The following ARHGAP28 variants were observed in gnomAD, a reference collection of about 807,000 sequenced individuals.
The protein encoded by ARHGAP28 is Rho GTPase activating protein 28.
ARHGAP28 carries 56 observed loss-of-function variants against 90.7 expected under a neutral mutation model. The ratio of observed to expected loss-of-function variants is 0.62; its 90% CI spans 0.50 to 0.77. The LOEUF is 0.77. ARHGAP28 is among the 30% of genes least tolerant of loss of function. The pLI is 0.00. For missense variants in ARHGAP28, 869 were observed against 900.9 expected (o/e 0.96, Z 0.45); for synonymous variants, 308 against 323.3 (o/e 0.95, Z 0.51).
intron 1 of ARHGAP28, chr18:6,774,231 A>G (rs1257607838): frequency 6.6e-6 from 1 of 152,202 alleles, no homozygotes; most frequent in Non-Finnish European, 1.5e-5. Flanking sequence ...TAACCTGCTA[A>G]AAGGTAAGGT....
chr18:6,841,203 C>CTCTCTCTCTCCTCTCTCT (rs754874496), intron 3 of ARHGAP28, among the ~76,000 whole-genome samples: 1 of 41,976 alleles, frequency 2.4e-5, no homozygotes, highest in African/African-American at 1.2e-4. Flanking sequence ...CTCTCTCTCT[C>CTCTCTCTCTCCTCTCTCT]CTCTCCTCTC....
At chr18:6,783,552 C>T (rs541146424) in intron 1 of ARHGAP28, among the ~76,000 whole-genome samples, 190 of 144,370 alleles carry the variant, frequency 1.3e-3, no homozygotes, top group Non-Finnish European at 2.2e-3. Context: ...CTGCCTGCCT[C>T]AGCCTCCCAA....
At chr18:6,896,382 A>C in intron 15 of ARHGAP28, 120 bp from the exon 16 acceptor site, 1 of 1,154,222 alleles carries the variant, frequency 8.7e-7, no homozygotes, top group Non-Finnish European at 1.2e-6. Context: ...GTTAATGTTG[A>C]TCATAGTGAT....
chr18:6,894,760 G>T lies in ARHGAP28; in HGVS notation c.1849-75G>T, dbSNP rs1600297624. The T allele has an allele frequency of 5.7e-6, 7 of 1,225,980 alleles. No individual in the cohort carries two copies. In the East Asian group the frequency reaches 1.7e-4, roughly 30 times the overall value. The allele number at this position is 1,225,980 out of a possible 1,614,324, so 75.9% of individuals were successfully genotyped here. On this transcript the variant is annotated intron_variant, in intron 14 of 17. Transcript: ENST00000383472. ...TGCCAAAATGTTCTCCATAAAGATT[G>T]TACCAGTTTACACTTCCAAAAGCAA...
chr18:6,863,365 T>C (rs1017755920), intron 5 of ARHGAP28, among the ~76,000 whole-genome samples: 2 of 151,906 alleles, frequency 1.3e-5, no homozygotes, highest in African/African-American at 2.4e-5. Context: ...TCAATTACTT[T>C]AGGAAGTTAC....
At chr18:6,834,177 A>T (rs1467448611) in intron 2 of ARHGAP28, among the ~76,000 whole-genome samples, 4 of 151,932 alleles carry the variant, frequency 2.6e-5, no homozygotes, top group East Asian at 3.9e-4. Flanking sequence ...AAAAAGCAGA[A>T]TTTTTTTTCT....
Position 6,839,865 on chromosome 18 carries a change from ACTTGT to A in ARHGAP28, c.543+2453_543+2457del, listed in dbSNP as rs2056791250. ...TCATTTGACTTATGATGTGCATTTG[ACTTGT>A]CATGATCATTCATGTTCATTCGAAA... On this transcript the variant is annotated intron_variant, in intron 3 of 17. Coordinates refer to ENST00000383472, the MANE Select transcript of ARHGAP28 (RefSeq NM_001366230.1). Among the ~76,000 whole-genome samples, 5 of 152,300 alleles carry A rather than the reference ACTTGT, an allele frequency of 3.3e-5. No homozygotes were observed. The South Asian group carries it at 1.0e-3, about 32-fold the overall frequency.
chr18:6,884,277 G>A (rs2057202729), intron 11 of ARHGAP28, among the ~76,000 whole-genome samples: 1 of 152,204 alleles, frequency 6.6e-6, no homozygotes, highest in South Asian at 2.1e-4. Flanking sequence ...TGGATGCTGA[G>A]GCAGGAGAAT....
intron 2 of ARHGAP28, among the ~76,000 whole-genome samples, chr18:6,831,567 C>T (rs563070729): frequency 1.4e-5 from 2 of 146,406 alleles, no homozygotes; most frequent in East Asian, 2.0e-4. Flanking sequence ...TATACATGTG[C>T]CATGCTGGTT....
chr18:6,792,756 G>A (rs768393518), intron 1 of ARHGAP28, among the ~76,000 whole-genome samples: 57 of 152,216 alleles, frequency 3.7e-4, no homozygotes, highest in Non-Finnish European at 7.1e-4. Context: ...CCTCCCGCCA[G>A]CTGATACAGT....
chr18:6,784,271 G>C (rs1271502864), intron 1 of ARHGAP28, among the ~76,000 whole-genome samples: 1 of 152,140 alleles, frequency 6.6e-6, no homozygotes, highest in African/African-American at 2.4e-5. Flanking sequence ...CAGAATGTTA[G>C]ATTCTGCCCC....
intron 1 of ARHGAP28, among the ~76,000 whole-genome samples, chr18:6,804,033 C>A (rs2056501592): frequency 6.6e-6 from 1 of 152,204 alleles, no homozygotes; most frequent in Non-Finnish European, 1.5e-5. Flanking sequence ...CCTGCCTCGG[C>A]CTCCCAAAGT....
At chr18:6,783,491 G>A (rs1370744256) in intron 1 of ARHGAP28, among the ~76,000 whole-genome samples, 5 of 142,068 alleles carry the variant, frequency 3.5e-5, no homozygotes, top group Non-Finnish European at 7.4e-5. Flanking sequence ...AGTAGAGACG[G>A]GGTTTCTCCA....
chr18:6,780,332 T>G (rs2056314429), intron 1 of ARHGAP28, among the ~76,000 whole-genome samples: 1 of 152,122 alleles, frequency 6.6e-6, no homozygotes, highest in African/African-American at 2.4e-5. Context: ...CTACGACAAT[T>G]AAAAATACAA....
At chr18:6,902,742 G>A (rs1009009762) in intron 16 of ARHGAP28, among the ~76,000 whole-genome samples, 4 of 152,224 alleles carry the variant, frequency 2.6e-5, no homozygotes, top group African/African-American at 9.6e-5. Flanking sequence ...TACAGCCACT[G>A]TAGAAAACAG....
At position 6,890,053 on chromosome 18, in the gene ARHGAP28, C is replaced by A; in HGVS notation, c.1702C>A (p.Leu568Ile). ...AAACACTGCGGCCCACATCATCCGC[C>A]TAATGCTTAAGTACCAGAAGATTTT... ...LANTAAHIIR[L>I]MLKYQKILWK... The change falls in exon 13 of 18, where the codon CTA (leucine) becomes ATA (isoleucine). Residue 568 changes from leucine to isoleucine, a missense_variant. By Grantham distance (5) the Leu-to-Ile change is conservative. Transcript: ENST00000383472. 1 of 1,614,188 alleles carries A rather than the reference C, an allele frequency of 6.2e-7. No individual in the cohort carries two copies. Among genetic ancestry groups the A allele is most frequent in the Non-Finnish European group, 8.5e-7 (1 of 1,180,034 alleles).
chr18:6,888,153 T>C (rs1484804299), intron 12 of ARHGAP28, among the ~76,000 whole-genome samples: 1 of 152,248 alleles, frequency 6.6e-6, no homozygotes, highest in African/African-American at 2.4e-5. Flanking sequence ...TGATATATAG[T>C]AGAACATTTG....
chr18:6,753,669 T>C (rs1567935852), intron 1 of ARHGAP28, among the ~76,000 whole-genome samples: 1 of 152,236 alleles, frequency 6.6e-6, no homozygotes, highest in Non-Finnish European at 1.5e-5. Context: ...TGAAATTAGA[T>C]TGAATTGGTT....
chr18:6,751,381 T>C (rs2056067924), intron 1 of ARHGAP28, among the ~76,000 whole-genome samples: 1 of 152,146 alleles, frequency 6.6e-6, no homozygotes, highest in Non-Finnish European at 1.5e-5. Flanking sequence ...GCTTTTGTTT[T>C]TCAACTGTGA....
Sources: allele counts gnomAD v4.1 joint callset (sites outside exome capture counted in the v4.1 genomes callset), GRCh38; gene constraint gnomAD v4.1.1; transcripts MANE v1.5; gene names NCBI Gene and HGNC (gene_info 2026-07-23, HGNC 2026-07-21).